Variants in HECW1 observed in about 807,000 individuals in gnomAD.
The protein encoded by HECW1 is HECT, C2 and WW domain containing E3 ubiquitin protein ligase 1, also known as E3 ubiquitin-protein ligase HECW1.
HECW1 carries 61 observed loss-of-function variants against 182.3 expected under a neutral mutation model. The ratio of observed to expected loss-of-function variants is 0.33; its 90% CI spans 0.27 to 0.41. The LOEUF (loss-of-function observed/expected upper bound fraction) is 0.41. Ranked by LOEUF, HECW1 falls within the 10% of genes least tolerant of loss-of-function variation. HECW1 has a pLI of 1.00. For missense variants in HECW1, 1,739 were observed against 2,108.9 expected, an observed-to-expected ratio of 0.82 and a Z score of 3.44; for synonymous variants, 859 against 832.6, an observed-to-expected ratio of 1.03 and a Z score of -0.55.
intron 24 of HECW1, among the ~76,000 whole-genome samples, chr7:43,521,586 C>G (rs2080476724): frequency 6.6e-6 from 1 of 152,146 alleles, no homozygotes; most frequent in Non-Finnish European, 1.5e-5. Context: ...ATTAAGAAGT[C>G]AGACCTTGGC....
intron 3 of HECW1, among the ~76,000 whole-genome samples, chr7:43,302,950 T>TGTGCGCGCACACACAC (rs1554347438): frequency 2.0e-5 from 3 of 151,594 alleles, no homozygotes; most frequent in South Asian, 2.1e-4. Context: ...CACACACACA[T>TGTGCGCGCACACACAC]GCGCGCACAC....
chr7:43,296,046 T>C (rs1409645294), intron 3 of HECW1, among the ~76,000 whole-genome samples: 1 of 152,228 alleles, frequency 6.6e-6, no homozygotes, highest in Non-Finnish European at 1.5e-5. Flanking sequence ...TAGAATTACC[T>C]TGCTAATTAT....
rs893795196 is a variant in HECW1 at position 43,529,290 on chromosome 7, G to A, written c.4020-11873G>A. Among the ~76,000 whole-genome samples, 7 of 151,946 alleles carry A rather than the reference G, an allele frequency of 4.6e-5. 1 individual carries two copies. Among genetic ancestry groups the A allele is most frequent in the South Asian group, 4.2e-4 (2 of 4,806 alleles). On this transcript the variant is annotated intron_variant, in intron 24 of 29. Transcript: ENST00000395891. Reference sequence around the variant, plus strand: ...CTCCTTCATCCCAGGCCTCCTGAGCGCCTTCATTCCCTGCACACCCAATTC... The same window carrying A: ...CTCCTTCATCCCAGGCCTCCTGAGCACCTTCATTCCCTGCACACCCAATTC...
intron 24 of HECW1, among the ~76,000 whole-genome samples, chr7:43,540,931 A>C (rs1416247427): frequency 6.6e-6 from 1 of 152,122 alleles, no homozygotes; most frequent in Non-Finnish European, 1.5e-5. Context: ...AAATGACTCG[A>C]GTCTGCTACA....
intron 8 of HECW1, among the ~76,000 whole-genome samples, chr7:43,434,562 A>G (rs1032127073): frequency 2.0e-5 from 3 of 152,240 alleles, no homozygotes; most frequent in African/African-American, 7.2e-5. Context: ...CTTGAGGCTC[A>G]TGGGTGCAAG....
intron 6 of HECW1, among the ~76,000 whole-genome samples, chr7:43,384,883 C>G (rs1327753474): frequency 6.6e-6 from 1 of 152,100 alleles, no homozygotes; most frequent in Non-Finnish European, 1.5e-5. Context: ...TTCATTTACC[C>G]AAAGGCTTTG....
intron 3 of HECW1, chr7:43,274,644 GGAGAGAGAGA>G (rs142241026): frequency 9.6e-6 from 3 of 313,796 alleles, no homozygotes; most frequent in South Asian, 2.8e-5. Context: ...GGGGAGGGAG[GGAGAGAGAGA>G]GAGAGAGAGC....
intron 8 of HECW1, among the ~76,000 whole-genome samples, chr7:43,408,263 A>T (rs1247157457): frequency 1.3e-5 from 2 of 152,124 alleles, no homozygotes; most frequent in African/African-American, 4.8e-5. Context: ...TATCTTCATG[A>T]TTTGCAAAGG....
chr7:43,361,936 G>GT (rs1815987003), intron 6 of HECW1, among the ~76,000 whole-genome samples: 2 of 146,260 alleles, frequency 1.4e-5, no homozygotes, highest in African/African-American at 5.1e-5. Flanking sequence ...GAGGTCAGGA[G>GT]TTTAAGACCA....
chr7:43,514,058 C>T (rs781028178), intron 24 of HECW1, among the ~76,000 whole-genome samples: 6 of 152,190 alleles, frequency 3.9e-5, no homozygotes, highest in Non-Finnish European at 8.8e-5. Context: ...AGGACAGAGG[C>T]TCTCCAGATA....
intron 29 of HECW1, among the ~76,000 whole-genome samples, chr7:43,560,812 G>A (rs1363221590): frequency 2.0e-5 from 3 of 152,186 alleles, no homozygotes; most frequent in African/African-American, 7.2e-5. Flanking sequence ...TTTGTTTTGT[G>A]ATTTGATTTT....
At chr7:43,288,386 C>T (rs1319886429) in intron 3 of HECW1, among the ~76,000 whole-genome samples, 3 of 152,184 alleles carry the variant, frequency 2.0e-5, no homozygotes, top group Non-Finnish European at 2.9e-5. Context: ...ATTCTTCTCT[C>T]TTGACATTTT....
intron 3 of HECW1, among the ~76,000 whole-genome samples, chr7:43,291,641 T>C (rs1278031086): frequency 6.6e-6 from 1 of 152,258 alleles, no homozygotes; most frequent in Admixed American, 6.5e-5. Flanking sequence ...GATTTATTCT[T>C]CAACAACAAA....
intron 28 of HECW1, among the ~76,000 whole-genome samples, chr7:43,552,701 C>T (rs1433127630): frequency 2.0e-5 from 3 of 152,180 alleles, no homozygotes; most frequent in African/African-American, 7.2e-5. Flanking sequence ...TTTGACTTAG[C>T]CTACTGTTTT....
Position 43,445,140 on chromosome 7 carries a change from C to T in HECW1, c.1968C>T (p.Ser656=), listed in dbSNP as rs2077007301. 3.7e-6 allele frequency: 6 copies of T among 1,609,868 alleles called. No homozygotes were observed. Among genetic ancestry groups the T allele is most frequent in the East Asian group, 2.2e-5 (1 of 44,824 alleles). ...QDGDTHPSTG[S]ESDSSPRQGG... Reference sequence around the variant, plus strand: ...GCGACACGCACCCCAGCACCGGGAGCGAGAGCGACTCCAGCCCCAGGCAAG... The same window carrying T: ...GCGACACGCACCCCAGCACCGGGAGTGAGAGCGACTCCAGCCCCAGGCAAG... Residue 656 remains serine (S), a synonymous_variant, in exon 11 of 30, where the codon AGC becomes AGT. Transcript: ENST00000395891.
chr7:43,408,938 A>AC (rs1412127439), intron 8 of HECW1, among the ~76,000 whole-genome samples: 3 of 152,314 alleles, frequency 2.0e-5, no homozygotes, highest in Non-Finnish European at 4.4e-5. Context: ...GCCTTAGATT[A>AC]CCCTCATCAG....
intron 2 of HECW1, among the ~76,000 whole-genome samples, chr7:43,119,832 C>G (rs902119244): frequency 6.6e-6 from 1 of 152,152 alleles, no homozygotes; most frequent in African/African-American, 2.4e-5. Context: ...AATCTCTGTC[C>G]CTTCTCTCTC....
At chr7:43,154,154 A>T (rs931218029) in intron 2 of HECW1, among the ~76,000 whole-genome samples, 1 of 152,202 alleles carries the variant, frequency 6.6e-6, no homozygotes, top group Non-Finnish European at 1.5e-5. Flanking sequence ...TACAATAGTC[A>T]ACAATCTTTC....
intron 12 of HECW1, among the ~76,000 whole-genome samples, chr7:43,451,835 A>G (rs1007770167): frequency 3.3e-4 from 50 of 152,184 alleles, no homozygotes; most frequent in African/African-American, 1.1e-3. Context: ...TAGATTTTAC[A>G]ACTACGAAAT....
Sources: allele counts gnomAD v4.1 joint callset (sites outside exome capture counted in the v4.1 genomes callset), GRCh38; gene constraint gnomAD v4.1.1; transcripts MANE v1.5; gene names NCBI Gene and HGNC (gene_info 2026-07-23, HGNC 2026-07-21).